The following BLTP3B variants were observed in gnomAD, a reference collection of about 807,000 sequenced individuals.
BLTP3B encodes bridge-like lipid transfer protein family member 3B.
chr12:100,052,991 C>T, the BLTP3B span, among the ~76,000 whole-genome samples: 1 of 151,252 alleles, frequency 6.6e-6, no homozygotes, highest in Non-Finnish European at 1.5e-5. Flanking sequence ...GACGGGGTTT[C>T]ACCATGTTAG....
At chr12:100,130,984 A>AGAGAGAGG in the BLTP3B span, among the ~76,000 whole-genome samples, 1 of 42,452 alleles carries the variant, frequency 2.4e-5, no homozygotes, top group Non-Finnish European at 4.5e-5. Flanking sequence ...AGAGGGAGGG[A>AGAGAGAGG]GAGAGAGAGA....
At chr12:100,142,391 G>C in the BLTP3B span, among the ~76,000 whole-genome samples, 1 of 152,182 alleles carries the variant, frequency 6.6e-6, no homozygotes, top group Non-Finnish European at 1.5e-5. Flanking sequence ...GACGCGTCAG[G>C]GGCCGATTCG....
At chr12:100,077,303 T>C in the BLTP3B span, among the ~76,000 whole-genome samples, 1 of 152,208 alleles carries the variant, frequency 6.6e-6, no homozygotes, top group Middle Eastern at 3.2e-3. Context: ...CTAGGAGGAA[T>C]AGGATATACC....
the BLTP3B span, among the ~76,000 whole-genome samples, chr12:100,107,746 T>C: frequency 1.2e-4 from 19 of 152,224 alleles, no homozygotes; most frequent in Non-Finnish European, 2.4e-4. Flanking sequence ...TTTTTAAAAA[T>C]TGTTTTGAGA....
At chr12:100,124,947 T>TATATATATATAA in the BLTP3B span, among the ~76,000 whole-genome samples, 1 of 41,380 alleles carries the variant, frequency 2.4e-5, no homozygotes. Flanking sequence ...TATATATATA[T>TATATATATATAA]ATATATATAT....
chr12:100,042,248 C>T, the BLTP3B span, among the ~76,000 whole-genome samples: 1 of 152,116 alleles, frequency 6.6e-6, no homozygotes, highest in Non-Finnish European at 1.5e-5. Flanking sequence ...ATAAGTTGAG[C>T]TGGCTTCTTT....
chr12:100,108,807 C>T, the BLTP3B span, among the ~76,000 whole-genome samples: 178 of 152,212 alleles, frequency 1.2e-3, 1 homozygote, highest in Middle Eastern at 0.01. Flanking sequence ...AAACCAGGCA[C>T]AGAAAGACAA....
chr12:100,052,114 G>T, the BLTP3B span, among the ~76,000 whole-genome samples: 1 of 151,096 alleles, frequency 6.6e-6, no homozygotes, highest in Non-Finnish European at 1.5e-5. Flanking sequence ...GCCCAGGCTG[G>T]AGTGTAGTGG....
the BLTP3B span, chr12:100,083,283 T>C: frequency 1.7e-6 from 1 of 584,972 alleles, no homozygotes; most frequent in South Asian, 2.3e-5. Flanking sequence ...AATTATAAAG[T>C]AATACAGGAT....
chr12:100,103,859 G>A, the BLTP3B span: 1 of 1,364,342 alleles, frequency 7.3e-7, no homozygotes, highest in South Asian at 1.5e-5. Flanking sequence ...GAACAGAGTA[G>A]CTAGATAATG....
At chr12:100,113,630 G>A in the BLTP3B span, among the ~76,000 whole-genome samples, 2 of 151,952 alleles carry the variant, frequency 1.3e-5, no homozygotes, top group African/African-American at 2.4e-5. Flanking sequence ...TCCCCAATAT[G>A]AGTAATAACT....
chr12:100,076,671 G>A, the BLTP3B span, among the ~76,000 whole-genome samples: 4 of 152,236 alleles, frequency 2.6e-5, no homozygotes, highest in African/African-American at 9.6e-5. Flanking sequence ...TGGGATTACA[G>A]GCGTGAGCCA....
the BLTP3B span, chr12:100,059,163 T>A: frequency 6.2e-7 from 1 of 1,614,146 alleles, no homozygotes; most frequent in Non-Finnish European, 8.5e-7. Context: ...CATCCCTTCA[T>A]AATCTATCCA....
the BLTP3B span, among the ~76,000 whole-genome samples, chr12:100,099,258 T>C: frequency 2.3e-3 from 346 of 151,736 alleles, no homozygotes; most frequent in African/African-American, 7.9e-3. Context: ...CCTCCCAAAG[T>C]GATGGGATTA....
the BLTP3B span, among the ~76,000 whole-genome samples, chr12:100,094,025 C>G: frequency 6.6e-6 from 1 of 152,030 alleles, no homozygotes. Context: ...TAATTAAAAC[C>G]TCTCTGTGTT....
chr12:100,069,053 T>C, the BLTP3B span, among the ~76,000 whole-genome samples: 1 of 151,998 alleles, frequency 6.6e-6, no homozygotes, highest in African/African-American at 2.4e-5. Flanking sequence ...CTGGTTAACA[T>C]GTTAAAATTT....
the BLTP3B span, chr12:100,086,490 G>A: frequency 1.7e-6 from 1 of 592,776 alleles, no homozygotes; most frequent in Non-Finnish European, 2.9e-6. Context: ...GGCACATTAA[G>A]GATTTTAGGA....
At chr12:100,136,276 T>C in the BLTP3B span, among the ~76,000 whole-genome samples, 1 of 151,714 alleles carries the variant, frequency 6.6e-6, no homozygotes, top group African/African-American at 2.4e-5. Flanking sequence ...AATATTTAAA[T>C]CAGTTTTTTT....
At chr12:100,058,965 T>A in the BLTP3B span, 3 of 1,614,000 alleles carry the variant, frequency 1.9e-6, no homozygotes, top group Non-Finnish European at 2.5e-6. Flanking sequence ...ACTATAATAC[T>A]CCTTCAAGAG....
Sources: allele counts gnomAD v4.1 joint callset (sites outside exome capture counted in the v4.1 genomes callset), GRCh38; gene constraint gnomAD v4.1.1; transcripts MANE v1.5; gene names NCBI Gene and HGNC (gene_info 2026-07-23, HGNC 2026-07-21).